The following NPAS3 variants were observed in gnomAD, a reference collection of about 807,000 sequenced individuals.
NPAS3 encodes neuronal PAS domain-containing protein 3.
Under a neutral mutation model 73.1 loss-of-function variants are expected in NPAS3, and 14 were observed. The ratio of observed to expected loss-of-function variants is 0.19; its 90% confidence interval spans 0.13 to 0.30. NPAS3 has a LOEUF of 0.30. Among genes scored for constraint, NPAS3 ranks in the 10% least tolerant of loss-of-function variants. The probability of loss-of-function intolerance (pLI) is 1.00; values close to 1 mark genes in which losing one functional copy is unlikely to be tolerated. For missense variants in NPAS3, 1,096 were observed against 1,250.0 expected (o/e 0.88, Z 1.86); for synonymous variants, 620 against 541.5 (o/e 1.14, Z -2.01).
intron 2 of NPAS3, among the ~76,000 whole-genome samples, chr14:33,206,119 T>A (rs1488314250): frequency 6.6e-6 from 1 of 152,182 alleles, no homozygotes; most frequent in Non-Finnish European, 1.5e-5. Flanking sequence ...TATGGGTGAT[T>A]ATAAATTAAA....
chr14:33,789,386 T>G (rs2138601118), intron 9 of NPAS3, among the ~76,000 whole-genome samples: 1 of 152,224 alleles, frequency 6.6e-6, no homozygotes, highest in African/African-American at 2.4e-5. Flanking sequence ...CACCCTGGGC[T>G]TCAGAGGAGC....
intron 2 of NPAS3, among the ~76,000 whole-genome samples, chr14:33,080,942 G>T (rs1367876912): frequency 1.3e-5 from 2 of 152,166 alleles, no homozygotes; most frequent in Admixed American, 6.5e-5. Flanking sequence ...ATTTCCTGAA[G>T]TGTTTCCCAG....
At chr14:33,376,456 G>A (rs112044667) in intron 4 of NPAS3, among the ~76,000 whole-genome samples, 4 of 152,144 alleles carry the variant, frequency 2.6e-5, no homozygotes, top group Admixed American at 6.5e-5. Context: ...TCCCAGAGGT[G>A]AGCCAGAACA....
At position 33,393,627 on chromosome 14, in the gene NPAS3, C is replaced by T. The variant is rs567656752; in HGVS notation, c.468+26359C>T. ...GAAATAGAGTTAATTTCCAGGGTTG[C>T]AGCTGAATTATTAGAGATTACTGTG... On this transcript the variant is annotated intron_variant, in intron 4 of 11. Coordinates refer to ENST00000356141, the Ensembl canonical transcript of NPAS3. 8.5e-5 allele frequency among the ~76,000 whole-genome samples: 13 copies of T among 152,218 alleles called. No homozygotes were observed. The South Asian group carries it at 2.7e-3, about 32-fold the overall frequency.
intron 1 of NPAS3, among the ~76,000 whole-genome samples, chr14:33,023,704 G>C (rs2039688224): frequency 6.6e-6 from 1 of 151,974 alleles, no homozygotes; most frequent in African/African-American, 2.4e-5. Context: ...TCCTGCTCTT[G>C]GTATAAAATA....
At chr14:33,575,434 TGA>T (rs2056396044) in intron 5 of NPAS3, among the ~76,000 whole-genome samples, 1 of 152,232 alleles carries the variant, frequency 6.6e-6, no homozygotes, top group Non-Finnish European at 1.5e-5. Context: ...GCAGCCCATA[TGA>T]AGTAGTTTTG....
chr14:33,382,503 A>G (rs1475291083), intron 4 of NPAS3, among the ~76,000 whole-genome samples: 1 of 152,154 alleles, frequency 6.6e-6, no homozygotes, highest in African/African-American at 2.4e-5. Flanking sequence ...ATATATAACC[A>G]GCCTCCTCTG....
chr14:32,977,369 C>CACACACACACAG (rs2037729812), intron 1 of NPAS3, among the ~76,000 whole-genome samples: 1 of 151,606 alleles, frequency 6.6e-6, no homozygotes, highest in Non-Finnish European at 1.5e-5. Context: ...CACACACACA[C>CACACACACACAG]ACACACACAC....
chr14:32,961,199 GT>G (rs2036899043), intron 1 of NPAS3, among the ~76,000 whole-genome samples: 1 of 151,886 alleles, frequency 6.6e-6, no homozygotes, highest in African/African-American at 2.4e-5. Context: ...GGATCACGAG[GT>G]CAGGAGGTCG....
chr14:32,965,142 G>T (rs573796639), intron 1 of NPAS3, among the ~76,000 whole-genome samples: 19 of 152,226 alleles, frequency 1.2e-4, no homozygotes, highest in Middle Eastern at 3.4e-3. Flanking sequence ...AACATTTAAA[G>T]AAAAACTAAT....
intron 4 of NPAS3, among the ~76,000 whole-genome samples, chr14:33,430,338 G>A (rs1453072027): frequency 6.6e-6 from 1 of 151,978 alleles, no homozygotes; most frequent in Non-Finnish European, 1.5e-5. Flanking sequence ...TTTCCTAGGA[G>A]TAGAGAATAA....
chr14:33,440,363 A>T (rs984809172), intron 4 of NPAS3, among the ~76,000 whole-genome samples: 4 of 152,132 alleles, frequency 2.6e-5, no homozygotes, highest in Admixed American at 2.6e-4. Flanking sequence ...GCTGCAGTAA[A>T]TTCTAGTGTC....
At chr14:33,540,991 C>A (rs2054485495) in intron 4 of NPAS3, among the ~76,000 whole-genome samples, 1 of 151,914 alleles carries the variant, frequency 6.6e-6, no homozygotes. Flanking sequence ...CCCCCCAAGT[C>A]AGGATTTCTT....
intron 2 of NPAS3, among the ~76,000 whole-genome samples, chr14:33,105,960 G>T (rs2042712194): frequency 6.6e-6 from 1 of 152,098 alleles, no homozygotes; most frequent in African/African-American, 2.4e-5. Context: ...GGATATCAAA[G>T]ATATATTGAC....
At position 33,153,493 on chromosome 14, in the gene NPAS3, G is replaced by A. The variant is rs77730582; in HGVS notation, c.141-61689G>A. Among the ~76,000 whole-genome samples, 648 of 152,180 alleles carry A rather than the reference G, an allele frequency of 4.3e-3. 7 individuals are homozygous for A. The highest frequency in any genetic ancestry group is 0.015 in the African/African-American group (608 of 41,518). On this transcript the variant is annotated intron_variant, in intron 2 of 11. Transcript: ENST00000356141. ...CAGGTGTTCTGGGAGCCCTGTGGGGGAAAGAGTGGGTTCTCAGAGTGCATA... is the reference window on the plus strand; with the variant it reads ...CAGGTGTTCTGGGAGCCCTGTGGGGAAAAGAGTGGGTTCTCAGAGTGCATA...
At chr14:32,938,457 A>AAGAGAGAGAGAGAGAGAGAGAAATTGAC (rs2035773096), upstream of NPAS3, among the ~76,000 whole-genome samples, 2 of 68,634 alleles carry the variant, frequency 2.9e-5, no homozygotes, top group African/African-American at 6.6e-5. Flanking sequence ...CCCAACGAGA[A>AAGAGAGAGAGAGAGAGAGAGAAATTGAC]AGAGAGAGAG....
intron 9 of NPAS3, 126 bp downstream of exon 9, chr14:33,778,698 A>C (rs1322814803): frequency 1.6e-6 from 1 of 637,858 alleles, no homozygotes; most frequent in East Asian, 2.7e-5. Flanking sequence ...GTCAGTGTGC[A>C]GTGAGAAAAA....
At chr14:33,792,581 CAA>C (rs199708187) in intron 9 of NPAS3, among the ~76,000 whole-genome samples, 2,708 of 126,144 alleles carry the variant, frequency 0.021, 64 homozygotes, top group African/African-American at 0.065. Context: ...CACCCCCCTC[CAA>C]AAAAAAAAAA....
intron 2 of NPAS3, among the ~76,000 whole-genome samples, chr14:33,108,934 G>A (rs1192467755): frequency 1.3e-5 from 2 of 152,112 alleles, no homozygotes; most frequent in East Asian, 1.9e-4. Context: ...TTATGTGATC[G>A]CATCTAACAA....
Sources: allele counts gnomAD v4.1 joint callset (sites outside exome capture counted in the v4.1 genomes callset), GRCh38; gene constraint gnomAD v4.1.1; transcripts MANE v1.5; gene names NCBI Gene and HGNC (gene_info 2026-07-23, HGNC 2026-07-21).